Variants in CNTNAP5 observed in about 807,000 individuals in gnomAD.
CNTNAP5 encodes the protein contactin-associated protein-like 5.
A neutral mutation model predicts 150.2 loss-of-function variants in CNTNAP5; 72 were observed. The ratio of observed to expected loss-of-function variants is 0.48; its 90% CI spans 0.40 to 0.58. CNTNAP5 has a LOEUF of 0.58. CNTNAP5 is among the 20% of genes least tolerant of loss of function. The pLI, the probability that CNTNAP5 is intolerant of heterozygous loss-of-function variation, is 0.00. For missense variants in CNTNAP5, 1,636 were observed against 1,626.2 expected, an observed-to-expected ratio of 1.01 and a Z score of -0.10; for synonymous variants, 672 against 619.8, an observed-to-expected ratio of 1.08 and a Z score of -1.25.
rs1025829966 is a variant in CNTNAP5, at chr2:124,894,834, T to C, written c.3437-8048T>C. On this transcript the variant is annotated intron_variant, in intron 21 of 23. Transcript: ENST00000682447. Reference sequence around the variant, plus strand: ...TCCCAAAGTACTGGGATTATAAGAGTGAGCCACAGCACCTAGCCTTCAAGT... The same window carrying C: ...TCCCAAAGTACTGGGATTATAAGAGCGAGCCACAGCACCTAGCCTTCAAGT... 5.3e-5 allele frequency among the ~76,000 whole-genome samples: 8 copies of C among 151,398 alleles called. 2 individuals are homozygous for C. Among genetic ancestry groups the C allele is most frequent in the African/African-American group, 1.7e-4 (7 of 40,784 alleles).
At chr2:124,353,084 G>T (rs1344218155) in intron 3 of CNTNAP5, among the ~76,000 whole-genome samples, 1 of 152,090 alleles carries the variant, frequency 6.6e-6, no homozygotes, top group Non-Finnish European at 1.5e-5. Flanking sequence ...CCAGGGAAAG[G>T]AGAGCCCCAG....
At chr2:124,107,440 G>C (rs576035907) in intron 1 of CNTNAP5, among the ~76,000 whole-genome samples, 2 of 152,164 alleles carry the variant, frequency 1.3e-5, no homozygotes, top group African/African-American at 4.8e-5. Context: ...ACTCACCTTT[G>C]CTCATTATGA....
chr2:124,797,960 G>T (rs1374083916), intron 18 of CNTNAP5, 136 bp from the exon 19 acceptor site: 2 of 631,212 alleles, frequency 3.2e-6, no homozygotes, highest in Admixed American at 2.9e-5. Flanking sequence ...AAATTATTGT[G>T]GGGAACATGT....
chr2:124,249,520 C>T (rs1358426943), intron 3 of CNTNAP5, among the ~76,000 whole-genome samples: 1 of 152,242 alleles, frequency 6.6e-6, no homozygotes, highest in Non-Finnish European at 1.5e-5. Flanking sequence ...TTCAGATAAA[C>T]TCAACCAATT....
intron 3 of CNTNAP5, among the ~76,000 whole-genome samples, chr2:124,312,255 G>A (rs778345439): frequency 2.0e-5 from 3 of 152,212 alleles, no homozygotes; most frequent in Non-Finnish European, 4.4e-5. Flanking sequence ...TAAATATTAG[G>A]TTAGAGATAT....
intron 3 of CNTNAP5, among the ~76,000 whole-genome samples, chr2:124,327,304 A>G (rs1423732094): frequency 6.6e-6 from 1 of 152,078 alleles, no homozygotes; most frequent in Non-Finnish European, 1.5e-5. Flanking sequence ...AACAAAAACT[A>G]AAACTAAAAA....
chr2:124,667,551 C>T (rs1360004591), intron 13 of CNTNAP5, among the ~76,000 whole-genome samples: 5 of 152,200 alleles, frequency 3.3e-5, no homozygotes, highest in African/African-American at 1.2e-4. Context: ...GTGTTCTTCC[C>T]TGCCTCAGGG....
chr2:124,846,981 G>T (rs1275218771), intron 19 of CNTNAP5, among the ~76,000 whole-genome samples: 1 of 152,208 alleles, frequency 6.6e-6, no homozygotes, highest in Non-Finnish European at 1.5e-5. Context: ...GGTAGCAGGG[G>T]AATGAAGTGG....
chr2:124,162,671 T>A (rs553613848), intron 1 of CNTNAP5, among the ~76,000 whole-genome samples: 1 of 152,302 alleles, frequency 6.6e-6, no homozygotes, highest in East Asian at 1.9e-4. Context: ...AAGGGTAAGA[T>A]TAAAATTTTT....
intron 3 of CNTNAP5, among the ~76,000 whole-genome samples, chr2:124,322,099 A>G (rs919069059): frequency 1.3e-5 from 2 of 151,980 alleles, no homozygotes; most frequent in African/African-American, 4.8e-5. Flanking sequence ...GCAGTGAGCC[A>G]AGATTGCACC....
chr2:124,800,874 T>G (rs1558781263), intron 19 of CNTNAP5, among the ~76,000 whole-genome samples: 2 of 152,198 alleles, frequency 1.3e-5, no homozygotes, highest in Non-Finnish European at 2.9e-5. Flanking sequence ...CCATGGCCTG[T>G]GACACAGTCC....
intron 6 of CNTNAP5, among the ~76,000 whole-genome samples, chr2:124,451,075 T>TACACACAC (rs1247150633): frequency 4.9e-5 from 4 of 81,804 alleles, no homozygotes; most frequent in African/African-American, 1.9e-4. Context: ...TATATATATA[T>TACACACAC]ATACACACAC....
chr2:124,212,745 G>A (rs1443990671), intron 1 of CNTNAP5, among the ~76,000 whole-genome samples: 6 of 148,018 alleles, frequency 4.1e-5, no homozygotes, highest in Admixed American at 1.4e-4. Context: ...TTGGTCTTAC[G>A]TTTTGATTCT....
intron 19 of CNTNAP5, among the ~76,000 whole-genome samples, chr2:124,811,302 A>C (rs534921561): frequency 1.3e-3 from 205 of 152,240 alleles, no homozygotes; most frequent in African/African-American, 4.8e-3. Context: ...AACTAAAATA[A>C]CTGCATGTGA....
intron 1 of CNTNAP5, among the ~76,000 whole-genome samples, chr2:124,109,350 G>A (rs1342502035): frequency 1.3e-5 from 2 of 152,002 alleles, no homozygotes; most frequent in African/African-American, 2.4e-5. Context: ...TACTCGAGGC[G>A]AGGCCCAGGC....
At chr2:124,187,180 G>A (rs1331969736) in intron 1 of CNTNAP5, among the ~76,000 whole-genome samples, 1 of 152,132 alleles carries the variant, frequency 6.6e-6, no homozygotes, top group Non-Finnish European at 1.5e-5. Flanking sequence ...AGAAAAGGTA[G>A]CAAAAAGAGA....
intron 1 of CNTNAP5, among the ~76,000 whole-genome samples, chr2:124,105,614 A>C (rs1012686622): frequency 3.9e-5 from 6 of 151,976 alleles, no homozygotes; most frequent in Middle Eastern, 3.4e-3. Context: ...TAAAATTTTA[A>C]CTGTTATTGT....
At chr2:124,333,247 C>G (rs1689392442) in intron 3 of CNTNAP5, among the ~76,000 whole-genome samples, 1 of 151,930 alleles carries the variant, frequency 6.6e-6, no homozygotes, top group Non-Finnish European at 1.5e-5. Flanking sequence ...CCAACCTCGG[C>G]AACAAAGCAA....
intron 1 of CNTNAP5, among the ~76,000 whole-genome samples, chr2:124,143,421 CA>C (rs1381667371): frequency 1.1e-3 from 2 of 1,804 alleles, no homozygotes; most frequent in African/African-American, 6.1e-4. Flanking sequence ...AATCCAGCAG[CA>C]CATCAAAAAG....
Sources: gnomAD v4.1 joint callset for allele counts (sites outside exome capture counted in the v4.1 genomes callset) on GRCh38, gnomAD v4.1.1 for gene constraint, MANE v1.5 for transcripts, NCBI Gene and HGNC (gene_info 2026-07-23, HGNC 2026-07-21) for gene names.